The following ZNF536 variants were observed in gnomAD, a reference collection of about 807,000 sequenced individuals.
ZNF536 encodes zinc finger protein 536.
A neutral mutation model predicts 84.5 loss-of-function variants in ZNF536; 13 were observed. That is an observed-to-expected ratio of 0.15 (90% CI 0.10 to 0.24). The LOEUF (loss-of-function observed/expected upper bound fraction) is 0.24. ZNF536 is among the 10% of genes least tolerant of loss of function. ZNF536 has a pLI of 1.00. For synonymous variants in ZNF536, 811 were observed against 742.5 expected (o/e 1.09, Z -1.50); for missense variants, 1,536 against 1,747.5 (o/e 0.88, Z 2.16).
intron 1 of ZNF536, among the ~76,000 whole-genome samples, chr19:30,690,322 G>A (rs2051357296): frequency 6.6e-6 from 1 of 152,240 alleles, no homozygotes; most frequent in African/African-American, 2.4e-5. Flanking sequence ...GGGAGAAATG[G>A]GGCCTTCTGA....
At chr19:30,490,156 C>T (rs2145078219) in intron 2 of ZNF536, among the ~76,000 whole-genome samples, 1 of 151,900 alleles carries the variant, frequency 6.6e-6, no homozygotes, top group African/African-American at 2.4e-5. Context: ...AAAGCCATTG[C>T]TAACTTTTTT....
intron 2 of ZNF536, among the ~76,000 whole-genome samples, chr19:30,471,017 C>T (rs1196078161): frequency 2.0e-5 from 3 of 149,536 alleles, no homozygotes; most frequent in South Asian, 2.1e-4. Context: ...GATTGGGTCT[C>T]GCTATGTTGC....
chr19:30,446,791 C>A (rs1488576415), intron 2 of ZNF536, among the ~76,000 whole-genome samples: 2 of 146,468 alleles, frequency 1.4e-5, no homozygotes, highest in Non-Finnish European at 3.0e-5. Flanking sequence ...AGCTTCCTGG[C>A]CCAGTTTAAA....
rs909585138 is a variant in ZNF536, at chr19:30,499,245, T to A, written c.2171-35602T>A. 3.4e-5 allele frequency among the ~76,000 whole-genome samples: 5 copies of A among 148,292 alleles called. No homozygotes were observed. The East Asian group carries it at 1.0e-3, about 30-fold the overall frequency. On this transcript the variant is annotated intron_variant, in intron 2 of 4. Transcript: ENST00000355537. Reference sequence around the variant, plus strand: ...ATCTGCTCTTTTTTGAGGGCCTATCTGTTCAGATAAAAGAAGTATTTATCT... The same window carrying A: ...ATCTGCTCTTTTTTGAGGGCCTATCAGTTCAGATAAAAGAAGTATTTATCT...
chr19:30,371,192 G>A (rs2048600314), upstream of ZNF536, among the ~76,000 whole-genome samples: 1 of 152,222 alleles, frequency 6.6e-6, no homozygotes. Flanking sequence ...ACACAAAAAT[G>A]ACAATCTGCC....
intron 4 of ZNF536, among the ~76,000 whole-genome samples, chr19:30,549,812 C>T (rs980194248): frequency 2.0e-5 from 3 of 152,198 alleles, no homozygotes; most frequent in African/African-American, 4.8e-5. Flanking sequence ...CCATCTAGAA[C>T]TTGAAGGGGG....
intron 1 of ZNF536, among the ~76,000 whole-genome samples, chr19:30,280,961 G>A (rs1464675043): frequency 1.3e-5 from 2 of 152,168 alleles, no homozygotes; most frequent in Non-Finnish European, 2.9e-5. Context: ...AACATGGCTG[G>A]GCTGCTGGGT....
rs1466002896 is a variant in ZNF536 at position 30,357,657 on chromosome 19, C to T, written c.-3+5173C>T. On this transcript the variant is annotated intron_variant, in intron 3 of 5. Transcript: ENST00000585628. ...TCGGTGCAAGAAAGATGGACAGCAGCACTGGGGATCCTGCTCTTGAAGCAG... is the reference window on the plus strand; with the variant it reads ...TCGGTGCAAGAAAGATGGACAGCAGTACTGGGGATCCTGCTCTTGAAGCAG... Among the ~76,000 whole-genome samples, 3 of 152,128 alleles carry T rather than the reference C, an allele frequency of 2.0e-5. No individual in the cohort carries two copies. In the South Asian group the frequency reaches 6.2e-4, roughly 32 times the overall value.
At chr19:30,567,542 C>T (rs2046398737) in intron 1 of ZNF536, among the ~76,000 whole-genome samples, 1 of 152,166 alleles carries the variant, frequency 6.6e-6, no homozygotes, top group South Asian at 2.1e-4. Flanking sequence ...AATCTGTCAT[C>T]TCCCTCCTTC....
upstream of ZNF536, among the ~76,000 whole-genome samples, chr19:30,368,076 T>A (rs1257923763): frequency 6.6e-6 from 1 of 152,134 alleles, no homozygotes; most frequent in Admixed American, 6.5e-5. Context: ...AGAGCCTCTG[T>A]CCCTCCCTCC....
intron 1 of ZNF536, among the ~76,000 whole-genome samples, chr19:30,261,805 C>CTT (rs1476047645): frequency 6.6e-6 from 1 of 151,176 alleles, no homozygotes; most frequent in Non-Finnish European, 1.5e-5. Context: ...ATGGTGGGAA[C>CTT]TGTGAAAGGG....
intron 1 of ZNF536, among the ~76,000 whole-genome samples, chr19:30,587,035 T>C (rs980671491): frequency 2.0e-5 from 3 of 152,198 alleles, no homozygotes; most frequent in Admixed American, 6.5e-5. Context: ...TTTCTAAATG[T>C]GTAAAGGACA....
chr19:30,577,884 A>G (rs2046793801), intron 1 of ZNF536, among the ~76,000 whole-genome samples: 1 of 152,210 alleles, frequency 6.6e-6, no homozygotes, highest in South Asian at 2.1e-4. Flanking sequence ...CCACATTCCA[A>G]TTGAAGCTCA....
At chr19:30,448,563 G>A (rs1201722913) in intron 2 of ZNF536, among the ~76,000 whole-genome samples, 4 of 152,178 alleles carry the variant, frequency 2.6e-5, no homozygotes, top group Non-Finnish European at 4.4e-5. Flanking sequence ...TAACAATGTC[G>A]CAAAACTTAA....
intron 1 of ZNF536, among the ~76,000 whole-genome samples, chr19:30,587,658 T>C (rs958169925): frequency 6.6e-6 from 1 of 152,338 alleles, no homozygotes; most frequent in Admixed American, 6.5e-5. Flanking sequence ...GGAGACTTCA[T>C]TCCCTGAAAG....
chr19:30,334,499 C>T (rs564279799), intron 2 of ZNF536, among the ~76,000 whole-genome samples: 6 of 152,140 alleles, frequency 3.9e-5, no homozygotes, highest in African/African-American at 7.2e-5. Flanking sequence ...GGTATTAGGA[C>T]GTCTGGTTAA....
chr19:30,708,574 C>T (rs971280560), intron 1 of ZNF536, among the ~76,000 whole-genome samples: 6 of 152,142 alleles, frequency 3.9e-5, no homozygotes, highest in South Asian at 2.1e-4. Context: ...GAAGGCCACC[C>T]GCGGGCTGCC....
chr19:30,567,207 T>C (rs978618866), intron 1 of ZNF536, among the ~76,000 whole-genome samples: 2 of 152,220 alleles, frequency 1.3e-5, no homozygotes, highest in African/African-American at 4.8e-5. Flanking sequence ...GCCAGGCTCA[T>C]GTCAGGAGAG....
intron 1 of ZNF536, among the ~76,000 whole-genome samples, chr19:30,438,786 C>G (rs571416763): frequency 1.7e-4 from 26 of 152,272 alleles, no homozygotes; most frequent in African/African-American, 6.3e-4. Context: ...TCAAGTGATC[C>G]TCCCACCTCA....
Sources: allele counts gnomAD v4.1 joint callset (sites outside exome capture counted in the v4.1 genomes callset), GRCh38; gene constraint gnomAD v4.1.1; transcripts MANE v1.5; gene names NCBI Gene and HGNC (gene_info 2026-07-23, HGNC 2026-07-21).